Variants in ADAM9 observed in about 807,000 individuals in gnomAD.
The protein encoded by ADAM9 is disintegrin and metalloproteinase domain-containing protein 9.
In ADAM9, 54 loss-of-function variants were observed where a neutral mutation model predicts 108.1. The observed-to-expected ratio is 0.50, with a 90% CI of 0.40 to 0.63. The LOEUF (loss-of-function observed/expected upper bound fraction) is 0.63, where lower values mean the gene tolerates loss of function less well. ADAM9 is among the 20% of genes least tolerant of loss of function. ADAM9 has a pLI of 0.00. For missense variants in ADAM9, 830 were observed against 997.7 expected, an observed-to-expected ratio of 0.83 and a Z score of 2.26; for synonymous variants, 316 against 336.0, an observed-to-expected ratio of 0.94 and a Z score of 0.65.
At chr8:39,091,653 A>T (rs1253413302) in intron 20 of ADAM9, among the ~76,000 whole-genome samples, 1 of 151,900 alleles carries the variant, frequency 6.6e-6, no homozygotes, top group Non-Finnish European at 1.5e-5. Flanking sequence ...CGCCTGGCTA[A>T]TTTTTGTATT....
intron 21 of ADAM9, among the ~76,000 whole-genome samples, 174 bp from the exon 22 acceptor site, chr8:39,103,431 ACT>A (rs1839762788): frequency 6.6e-6 from 1 of 151,478 alleles, no homozygotes; most frequent in Admixed American, 6.6e-5. Context: ...TCCATTTTAG[ACT>A]CTAATTGGAG....
At chr8:39,075,065 C>A (rs1264901436) in intron 15 of ADAM9, among the ~76,000 whole-genome samples, 1 of 151,914 alleles carries the variant, frequency 6.6e-6, no homozygotes, top group East Asian at 1.9e-4. Flanking sequence ...CACCATCATG[C>A]CTGGCTAAGT....
intron 15 of ADAM9, 60 bp downstream of exon 15, chr8:39,071,463 A>G: frequency 2.5e-6 from 2 of 797,766 alleles, no homozygotes; most frequent in African/African-American, 2.4e-5. Context: ...CATCTCTAGT[A>G]TCTTTTTTTT....
chr8:39,079,398 C>T (rs955998355), intron 16 of ADAM9, among the ~76,000 whole-genome samples: 3 of 152,008 alleles, frequency 2.0e-5, no homozygotes, highest in African/African-American at 4.8e-5. Flanking sequence ...TGAGCCACTG[C>T]ACCTAGCTGG....
At chr8:39,055,870 G>A in intron 14 of ADAM9, 98 bp downstream of exon 14, 3 of 1,265,544 alleles carry the variant, frequency 2.4e-6, no homozygotes, top group Non-Finnish European at 3.3e-6. Context: ...TAAAGTTGAG[G>A]CTCTCTTGTT....
At chr8:39,012,206 T>C (rs1226196484) in intron 3 of ADAM9, among the ~76,000 whole-genome samples, 2 of 152,232 alleles carry the variant, frequency 1.3e-5, no homozygotes, top group East Asian at 1.9e-4. Context: ...CGCTGAGATA[T>C]GTGTGAGGCA....
chr8:39,021,565 T>TG, intron 7 of ADAM9, 78 bp from the exon 8 acceptor site: 1 of 1,278,414 alleles, frequency 7.8e-7, no homozygotes, highest in East Asian at 2.3e-5. Flanking sequence ...ATTACAGGCA[T>TG]GAGGTACTGC....
Position 39,011,691 on chromosome 8 carries a change from C to T in ADAM9, c.229C>T (p.His77Tyr), listed in dbSNP as rs757592897. ...SYVIQAEGKE[H>Y]IIHLERNKDL... The stretch of plus-strand genomic sequence containing the variant: ...TGTTATTCAGGCTGAAGGAAAAGAG[C>T]ATATTATTCACTTGGAAAGGAACAA... The change falls in exon 3 of 22, where the codon CAT becomes TAT. Residue 77 changes from histidine to tyrosine, a missense_variant. By Grantham distance (83) the His-to-Tyr change is moderately conservative. Around this residue, in one of 3 missense-constraint regions of ADAM9, gnomAD observed 211 missense variants for 222.2 expected, o/e 0.95. Coordinates refer to ENST00000487273, the MANE Select transcript of ADAM9 (RefSeq NM_003816.3). 2 of 1,611,762 alleles carry T rather than the reference C, an allele frequency of 1.2e-6. No individual in the cohort carries two copies. The highest frequency in any genetic ancestry group is 2.2e-5 in the South Asian group (2 of 91,038).
At chr8:39,072,001 C>T (rs1838711161) in intron 15 of ADAM9, among the ~76,000 whole-genome samples, 1 of 152,118 alleles carries the variant, frequency 6.6e-6, no homozygotes, top group African/African-American at 2.4e-5. Flanking sequence ...TTTCATTTTC[C>T]TTTCCATAAA....
chr8:39,015,275 T>A (rs890188925), intron 4 of ADAM9: 3 of 152,222 alleles, frequency 2.0e-5, no homozygotes, highest in African/African-American at 7.2e-5. Flanking sequence ...GAGTTAATAC[T>A]TACAAGATGC....
intron 11 of ADAM9, among the ~76,000 whole-genome samples, chr8:39,032,006 A>T (rs1837109414): frequency 6.6e-6 from 1 of 152,206 alleles, no homozygotes; most frequent in Non-Finnish European, 1.5e-5. Context: ...AATATTGCAG[A>T]ACAGCAAATA....
In ADAM9 at chr8:39,037,618, A is replaced by G. The variant is rs1453042659; in HGVS notation, c.1131-4328A>G. Among the ~76,000 whole-genome samples the G allele has an allele frequency of 4.0e-5, 6 of 151,810 alleles. No homozygotes were observed. In the East Asian group the frequency reaches 1.2e-3, roughly 29 times the overall value. On this transcript the variant is annotated intron_variant, in intron 11 of 21. Coordinates refer to ENST00000487273, the MANE Select transcript of ADAM9 (RefSeq NM_003816.3). ...TTTTTTGTAGAGACAGGGTCTCATT[A>G]TGTTGCCCAGGTGGCCTTGAATTCC...
At chr8:39,083,099 G>A in intron 18 of ADAM9, 26 bp downstream of exon 18, 1 of 1,590,756 alleles carries the variant, frequency 6.3e-7, no homozygotes, top group Non-Finnish European at 8.6e-7. Context: ...GAAAATTAGT[G>A]TGATCTCCCA....
chr8:39,012,096 A>G (rs1367885479), intron 3 of ADAM9, among the ~76,000 whole-genome samples: 1 of 152,220 alleles, frequency 6.6e-6, no homozygotes, highest in East Asian at 1.9e-4. Context: ...GGTAAAGGAT[A>G]TAATGCATCA....
chr8:39,040,544 C>G lies in ADAM9; in HGVS notation c.1131-1402C>G, dbSNP rs566495940. Among the ~76,000 whole-genome samples the G allele has an allele frequency of 3.9e-5, 6 of 152,206 alleles. No homozygotes were observed. The South Asian group carries it at 1.2e-3, about 32-fold the overall frequency. ...AAAAATCGAGTTATTTGTTTTTCTA[C>G]TATGGAGTTGTGTGAGTTTTAAAAA... On this transcript the variant is annotated intron_variant, in intron 11 of 21. Transcript: ENST00000487273.
intron 12 of ADAM9, among the ~76,000 whole-genome samples, chr8:39,049,867 C>CT (rs1246697492): frequency 1.3e-5 from 2 of 152,130 alleles, no homozygotes; most frequent in African/African-American, 2.4e-5. Flanking sequence ...TAATTTTATA[C>CT]TTTCTTATGC....
At chr8:39,044,870 A>G (rs1472519743) in intron 12 of ADAM9, among the ~76,000 whole-genome samples, 1 of 146,416 alleles carries the variant, frequency 6.8e-6, no homozygotes, top group Non-Finnish European at 1.5e-5. Context: ...GTGTGTGTAT[A>G]CATACATATA....
intron 1 of ADAM9, among the ~76,000 whole-genome samples, chr8:39,000,686 C>G (rs1360169402): frequency 1.3e-5 from 2 of 152,056 alleles, no homozygotes; most frequent in African/African-American, 4.8e-5. Context: ...AGGCTGGTCT[C>G]GAACTCCTGG....
At position 39,082,637 on chromosome 8, in the gene ADAM9, TC is replaced by T; in HGVS notation, c.1882-3del. On this transcript the variant is annotated splice_region_variant and splice_polypyrimidine_tract_variant and intron_variant, in intron 16 of 21. Transcript: ENST00000487273. Reference sequence around the variant, plus strand: ...TTTACTTAGTTCATTTTTTTTTTTTTCAGATCTGTAGAAACTTCCAGTGTGT... The same window carrying T: ...TTTACTTAGTTCATTTTTTTTTTTTTAGATCTGTAGAAACTTCCAGTGTGT... The T allele has an allele frequency of 6.2e-7, 1 of 1,609,612 alleles. No individual in the cohort carries two copies. The highest frequency in any genetic ancestry group is 8.5e-7 in the Non-Finnish European group (1 of 1,177,250).
Sources: gnomAD v4.1 joint callset for allele counts (sites outside exome capture counted in the v4.1 genomes callset) on GRCh38, gnomAD v4.1.1 for gene constraint, gnomAD v4.1.1 regional missense constraint, MANE v1.5 for transcripts, NCBI Gene and HGNC (gene_info 2026-07-23, HGNC 2026-07-21) for gene names.